Variants in M1AP observed in about 807,000 individuals in gnomAD.
M1AP encodes meiosis 1 arrest protein.
In M1AP, 39 loss-of-function variants were observed where a neutral mutation model predicts 51.2. The ratio of observed to expected loss-of-function variants is 0.76; its 90% CI spans 0.59 to 1.00. M1AP has a LOEUF of 1.00. M1AP is among the 50% of genes least tolerant of loss of function. The pLI is 0.00. For missense variants in M1AP, 545 were observed against 641.2 expected (o/e 0.85, Z 1.62); for synonymous variants, 251 against 249.2 (o/e 1.01, Z -0.07).
rs1681052522 is a variant in M1AP, at chr2:74,607,077, A to G, written c.573T>C (p.Pro191=). The change falls in exon 4 of 11, where the codon CCT becomes CCC. Residue 191 remains proline (P), a synonymous_variant. Coordinates refer to ENST00000421985, the MANE Select transcript of M1AP (RefSeq NM_001321739.2). Reference sequence around the variant, plus strand: ...TACCATCATTGCTGGTATCCTCAACAGGAGACGCTGAGTCCACGTGCTCTA... The same window carrying G: ...TACCATCATTGCTGGTATCCTCAACGGGAGACGCTGAGTCCACGTGCTCTA... The part of the protein sequence containing the change: ...GILEHVDSAS[P]VEDTSNDESS... 1 of 1,613,952 alleles carries G rather than the reference A, an allele frequency of 6.2e-7. No individual in the cohort carries two copies. Among genetic ancestry groups the G allele is most frequent in the African/African-American group, 1.3e-5 (1 of 75,028 alleles).
intron 3 of M1AP, among the ~76,000 whole-genome samples, chr2:74,612,978 T>TG (rs1033605215): frequency 2.1e-4 from 26 of 126,578 alleles, no homozygotes; most frequent in African/African-American, 1.3e-3. Flanking sequence ...TTTTTTCCAG[T>TG]TTTTTTTTCT....
intron 10 of M1AP, 28 bp downstream of exon 10, chr2:74,559,670 C>A: frequency 1.4e-6 from 1 of 718,462 alleles, no homozygotes; most frequent in South Asian, 1.5e-5. Flanking sequence ...AGCCTCCTTT[C>A]CTCATCTGTA....
rs189327383 is a variant in M1AP at position 74,638,949 on chromosome 2, A to G, written c.240+1087T>C. On this transcript the variant is annotated intron_variant, in intron 2 of 10. Coordinates refer to ENST00000421985, the MANE Select transcript of M1AP (RefSeq NM_001321739.2). ...GTAGAAAGGATCAGTTGAATTTCTT[A>G]AATAATTTTATCCTTTTCCCATCCC... 9.8e-4 allele frequency among the ~76,000 whole-genome samples: 149 copies of G among 152,334 alleles called. 2 individuals are homozygous for G. Among genetic ancestry groups the G allele is most frequent in the African/African-American group, 3.5e-3 (146 of 41,576 alleles).
intron 2 of M1AP, among the ~76,000 whole-genome samples, chr2:74,630,824 A>G (rs1053424637): frequency 6.6e-6 from 1 of 152,100 alleles, no homozygotes; most frequent in Non-Finnish European, 1.5e-5. Flanking sequence ...TAACAGAATG[A>G]TTTATATTCA....
chr2:74,644,205 A>T (rs1438170617), intron 1 of M1AP, among the ~76,000 whole-genome samples: 1 of 152,220 alleles, frequency 6.6e-6, no homozygotes, highest in Non-Finnish European at 1.5e-5. Flanking sequence ...GATAATTTTC[A>T]GAAACACTTT....
At chr2:74,604,303 T>C (rs1191201891) in intron 4 of M1AP, among the ~76,000 whole-genome samples, 1 of 152,170 alleles carries the variant, frequency 6.6e-6, no homozygotes, top group African/African-American at 2.4e-5. Flanking sequence ...TTTCCTCTGC[T>C]TAGCTAATTC....
intron 5 of M1AP, among the ~76,000 whole-genome samples, chr2:74,577,316 A>T (rs1484933264): frequency 6.6e-6 from 1 of 152,194 alleles, no homozygotes; most frequent in Non-Finnish European, 1.5e-5. Context: ...TCATCTAGGT[A>T]TTTTACTCTT....
intron 2 of M1AP, among the ~76,000 whole-genome samples, chr2:74,635,982 A>G (rs1682968743): frequency 6.6e-6 from 1 of 152,048 alleles, no homozygotes; most frequent in African/African-American, 2.4e-5. Context: ...GTATTATATA[A>G]ATGTCAATTA....
chr2:74,570,595 AGAAGTACCATTT>A (rs1470988050), intron 7 of M1AP, among the ~76,000 whole-genome samples: 1 of 152,232 alleles, frequency 6.6e-6, no homozygotes, highest in Non-Finnish European at 1.5e-5. Flanking sequence ...CTCCCATTCA[AGAAGTACCATTT>A]GAGTTTGGTC....
At chr2:74,648,033 G>A (rs1683707464) in intron 1 of M1AP, 1 of 985,572 alleles carries the variant, frequency 1.0e-6, no homozygotes, top group Non-Finnish European at 1.2e-6. Flanking sequence ...GGAAGCTCCG[G>A]GCCCAGACTC....
intron 4 of M1AP, among the ~76,000 whole-genome samples, chr2:74,588,187 G>A (rs1484968759): frequency 6.6e-6 from 1 of 152,190 alleles, no homozygotes; most frequent in South Asian, 2.1e-4. Context: ...GGGTGTCATG[G>A]ATGGGCTTCA....
At chr2:74,578,004 C>G (rs895589673) in intron 5 of M1AP, among the ~76,000 whole-genome samples, 2 of 152,174 alleles carry the variant, frequency 1.3e-5, no homozygotes, top group African/African-American at 4.8e-5. Context: ...ATAAGGAGTG[C>G]ACAACCTAGA....
At chr2:74,577,406 A>C (rs1573084836) in intron 5 of M1AP, among the ~76,000 whole-genome samples, 1 of 152,238 alleles carries the variant, frequency 6.6e-6, no homozygotes, top group Non-Finnish European at 1.5e-5. Context: ...TAAATCCTTG[A>C]TATTACAAAG....
At chr2:74,609,900 C>G (rs1472393691) in intron 3 of M1AP, among the ~76,000 whole-genome samples, 1 of 152,084 alleles carries the variant, frequency 6.6e-6, no homozygotes, top group Non-Finnish European at 1.5e-5. Flanking sequence ...CATTTTTTCC[C>G]TGTTGAGTTG....
At position 74,601,106 on chromosome 2, in the gene M1AP, A is replaced by G. The variant is rs151144551; in HGVS notation, c.595+5949T>C. On this transcript the variant is annotated intron_variant, in intron 4 of 10. Coordinates refer to ENST00000421985, the MANE Select transcript of M1AP (RefSeq NM_001321739.2). ...ACAAATGAGCTTTATAAAACAAGCT[A>G]TTTTATAAAGCCCTATTTTATAAAT... Among the ~76,000 whole-genome samples the G allele has an allele frequency of 6.5e-3, 997 of 152,254 alleles. 8 individuals are homozygous for G. Among genetic ancestry groups the G allele is most frequent in the African/African-American group, 0.022 (914 of 41,580 alleles).
chr2:74,635,184 A>T (rs1302566320), intron 2 of M1AP, among the ~76,000 whole-genome samples: 1 of 152,070 alleles, frequency 6.6e-6, no homozygotes, highest in Non-Finnish European at 1.5e-5. Context: ...CATTCAAACT[A>T]TCTGTTTCAT....
At chr2:74,566,454 A>G (rs1678386285) in intron 7 of M1AP, among the ~76,000 whole-genome samples, 1 of 152,156 alleles carries the variant, frequency 6.6e-6, no homozygotes, top group Admixed American at 6.5e-5. Flanking sequence ...AAGGAAGAGA[A>G]CAGCATGAAA....
chr2:74,569,694 T>C (rs1678609751), intron 7 of M1AP, among the ~76,000 whole-genome samples: 1 of 152,166 alleles, frequency 6.6e-6, no homozygotes, highest in Non-Finnish European at 1.5e-5. Flanking sequence ...TCTACTTCTA[T>C]TGATTAAAGG....
chr2:74,605,900 C>CAAAA (rs1255588829), intron 4 of M1AP, among the ~76,000 whole-genome samples: 2 of 122,502 alleles, frequency 1.6e-5, no homozygotes, highest in Non-Finnish European at 3.5e-5. Context: ...GACTCCATCT[C>CAAAA]AAAAAAAAAA....
Sources: gnomAD v4.1 joint callset for allele counts (sites outside exome capture counted in the v4.1 genomes callset) on GRCh38, gnomAD v4.1.1 for gene constraint, MANE v1.5 for transcripts, NCBI Gene and HGNC (gene_info 2026-07-23, HGNC 2026-07-21) for gene names.